The following ZNF268 variants were observed in gnomAD, a reference collection of about 807,000 sequenced individuals.
ZNF268 encodes zinc finger protein 268, also known as zinc finger protein 3.
A neutral mutation model predicts 29.3 loss-of-function variants in ZNF268; 20 were observed. That is an observed-to-expected ratio of 0.68 (90% CI 0.48 to 0.99). The LOEUF is 0.99. Ranked by LOEUF, ZNF268 falls within the 50% of genes least tolerant of loss-of-function variation. ZNF268 has a pLI of 0.00. For synonymous variants in ZNF268, 429 were observed against 376.9 expected (o/e 1.14, Z -1.60); for missense variants, 1,240 against 1,121.6 (o/e 1.11, Z -1.51).
chr12:133,196,809 G>C (rs1251935212), intron 5 of ZNF268, among the ~76,000 whole-genome samples: 1 of 152,124 alleles, frequency 6.6e-6, no homozygotes, highest in Admixed American at 6.6e-5. Flanking sequence ...GGAAGATAAT[G>C]CCCCAGTGGG....
At chr12:133,192,105 C>A in intron 5 of ZNF268, 102 bp downstream of exon 5, 8 of 808,960 alleles carry the variant, frequency 9.9e-6, no homozygotes, top group Non-Finnish European at 1.4e-5. Flanking sequence ...TATTACCATG[C>A]ACTTTTTTTT....
Position 133,203,376 on chromosome 12 carries a change from G to T in ZNF268, c.1690G>T (p.Ala564Ser). 1 of 1,548,454 alleles carries T rather than the reference G, an allele frequency of 6.5e-7. No homozygotes were observed. The highest frequency in any genetic ancestry group is 1.9e-5 in the Admixed American group (1 of 51,520). Residue 564 changes from alanine (A) to serine (S), a missense_variant, in exon 6 of 6, where the codon GCC (alanine) becomes TCC (serine). By Grantham distance (99) the Ala-to-Ser change is moderately conservative. This residue lies in a region of ZNF268 where 1,177 missense variants were observed against 1,039.6 expected (regional missense o/e 1.13). Transcript: ENST00000536435. ...CTATGAATGCCATGAATGTGGGAAA[G>T]CCTTCAGTCGGAAATACCAGCTTAT... is the stretch of plus-strand genomic sequence containing the variant. ...NPYECHECGK[A>S]FSRKYQLISH...
chr12:133,203,852 A>C lies in ZNF268; in HGVS notation c.2166A>C (p.Lys722Asn), dbSNP rs1251786365. ...ATATGAGAACTCATACAGGAGAGAA[A>C]CCACATGAGTGCAGGGAATGCGGGA... The part of the protein sequence containing the change: ...IIHMRTHTGE[K>N]PHECRECGKS... The change falls in exon 6 of 6, where the codon AAA (lysine) becomes AAC (asparagine). Residue 722 changes from lysine (K) to asparagine (N), a missense_variant. Physicochemically the swap from Lys to Asn is moderately conservative, Grantham distance 94. Coordinates refer to ENST00000536435, the MANE Select transcript of ZNF268 (RefSeq NM_003415.3). 1 of 1,566,848 alleles carries C rather than the reference A, an allele frequency of 6.4e-7. No individual in the cohort carries two copies. Among genetic ancestry groups the C allele is most frequent in the East Asian group, 2.3e-5 (1 of 42,674 alleles).
In ZNF268 at chr12:133,205,171, AAACC is replaced by A. The variant is rs1330438265; in HGVS notation, c.*646_*649del. ...AAAAAAAAAAAAAAAAAAAAAAAAA[AAACC>A]AACCTGTTATTATATCTTAATATTA... On this transcript the variant is annotated 3_prime_UTR_variant, in exon 6 of 6. Coordinates refer to ENST00000536435, the MANE Select transcript of ZNF268 (RefSeq NM_003415.3). The A allele has an allele frequency of 5.2e-5, 7 of 135,082 alleles. 1 individual carries two copies. The South Asian group carries it at 6.8e-4, about 13-fold the overall frequency. 8.4% of individuals were successfully genotyped at this position (135,082 alleles called of 1,614,324 possible).
rs1335119330 is a variant in ZNF268, at chr12:133,203,466, G to A, written c.1780G>A (p.Gly594Ser). Residue 594 changes from glycine to serine, a missense_variant, in exon 6 of 6, where the codon GGT (glycine) becomes AGT (serine). Physicochemically the swap from Gly to Ser is moderately conservative, Grantham distance 56. Transcript: ENST00000536435. ...ATGCACCGACTGTGGAAAGGCTTTT[G>A]GTTTAAAGTCACAGCTTATTATACA... ...YECTDCGKAF[G>S]LKSQLIIHQR... 1.8e-5 allele frequency: 27 copies of A among 1,541,594 alleles called. No individual in the cohort carries two copies. The highest frequency in any genetic ancestry group is 2.4e-5 in the Non-Finnish European group (27 of 1,148,320).
At chr12:133,201,800 T>G (rs1024214306) in intron 5 of ZNF268, among the ~76,000 whole-genome samples, 4 of 152,118 alleles carry the variant, frequency 2.6e-5, no homozygotes, top group African/African-American at 9.6e-5. Flanking sequence ...CCTAATGACA[T>G]GTTTATATTA....
At chr12:133,185,719 G>A (rs1315769463) in intron 2 of ZNF268, among the ~76,000 whole-genome samples, 1 of 152,106 alleles carries the variant, frequency 6.6e-6, no homozygotes, top group Non-Finnish European at 1.5e-5. Context: ...GTTGTAGGTG[G>A]GCAAGAGTAG....
chr12:133,197,402 G>A (rs1360190025), intron 5 of ZNF268, among the ~76,000 whole-genome samples: 5 of 151,270 alleles, frequency 3.3e-5, no homozygotes, highest in Non-Finnish European at 7.4e-5. Context: ...ATTCCATGGT[G>A]TATATGTGCC....
At position 133,202,413 on chromosome 12, in the gene ZNF268, G is replaced by C; in HGVS notation, c.727G>C (p.Val243Leu). Residue 243 changes from valine to leucine, a missense_variant, in exon 6 of 6, where the codon GTT (valine) becomes CTT (leucine). Coordinates refer to ENST00000536435, the MANE Select transcript of ZNF268 (RefSeq NM_003415.3). ...SFFHSKHEQT[V>L]IGIKYCESIE... is the part of the protein sequence containing the mutation. ...CTTCCATTCTAAACATGAGCAAACTGTTATTGGAATAAAATACTGTGAAAG... is the reference window on the plus strand; with the variant it reads ...CTTCCATTCTAAACATGAGCAAACTCTTATTGGAATAAAATACTGTGAAAG... 6.2e-7 allele frequency: 1 copy of C among 1,610,924 alleles called. No homozygotes were observed. The highest frequency in any genetic ancestry group is 1.1e-5 in the South Asian group (1 of 90,768).
At chr12:133,188,241 G>A (rs1956374150) in intron 3 of ZNF268, 169 bp downstream of exon 3, 1 of 625,696 alleles carries the variant, frequency 1.6e-6, no homozygotes, top group African/African-American at 1.8e-5. Context: ...CTGTTGCCCA[G>A]AGTGGAGCGC....
intron 3 of ZNF268, 170 bp from the exon 4 acceptor site, chr12:133,191,319 C>CAA (rs1222335571): frequency 1.4e-3 from 802 of 555,434 alleles, no homozygotes; most frequent in East Asian, 1.7e-3. Context: ...TCTGTCTCAA[C>CAA]AAAAAAAAAA....
At chr12:133,195,776 G>A (rs149907516) in intron 5 of ZNF268, among the ~76,000 whole-genome samples, 8,058 of 151,568 alleles carry the variant, frequency 0.053, 706 homozygotes, top group African/African-American at 0.18. Context: ...GGAGTGCAGT[G>A]GTGCGATCTC....
chr12:133,182,051 A>T, intron 2 of ZNF268, 21 bp downstream of exon 2: 1 of 1,554,968 alleles, frequency 6.4e-7, no homozygotes, highest in Non-Finnish European at 8.7e-7. Context: ...GTTTTCTTTC[A>T]TTCTTGAAAA....
rs926710790 is a variant in ZNF268, at chr12:133,211,889, C to T, written c.*7359C>T. 2 of 152,174 alleles carry T rather than the reference C, an allele frequency of 1.3e-5. No homozygotes were observed. The highest frequency in any genetic ancestry group is 2.4e-5 in the African/African-American group (1 of 41,428). 9.4% of individuals were successfully genotyped at this position (152,174 alleles called of 1,614,324 possible). On this transcript the variant is annotated 3_prime_UTR_variant, in exon 6 of 6. Coordinates refer to ENST00000536435, the MANE Select transcript of ZNF268 (RefSeq NM_003415.3). ...GGTATTTAGATAACTGCTTTGAAAACATAGGAGTTTGATCTAAACAAAACC... is the reference window on the plus strand; with the variant it reads ...GGTATTTAGATAACTGCTTTGAAAATATAGGAGTTTGATCTAAACAAAACC...
chr12:133,200,374 T>G, intron 5 of ZNF268, among the ~76,000 whole-genome samples: 1 of 152,244 alleles, frequency 6.6e-6, no homozygotes, highest in Non-Finnish European at 1.5e-5. Context: ...CTAGTTTGAT[T>G]GCACTGTCGT....
chr12:133,181,988 G>T lies in ZNF268; in HGVS notation c.-10G>T, dbSNP rs750247719. On this transcript the variant is annotated 5_prime_UTR_variant, in exon 2 of 6. Transcript: ENST00000536435. ...CACTTCCAGCGAGGCACACAAAACT[G>T]ACCGTAGGGATGGCCACCAGGGTCC... 6.4e-7 allele frequency: 1 copy of T among 1,564,222 alleles called. No individual in the cohort carries two copies.
At chr12:133,191,321 A>C in intron 3 of ZNF268, 168 bp from the exon 4 acceptor site, 2 of 530,694 alleles carry the variant, frequency 3.8e-6, no homozygotes, top group Non-Finnish European at 5.9e-6. Flanking sequence ...TGTCTCAACA[A>C]AAAAAAAAAA....
chr12:133,205,112 G>A lies in ZNF268; in HGVS notation c.*582G>A, dbSNP rs1956867477. The A allele has an allele frequency of 7.9e-6, 1 of 127,378 alleles. No homozygotes were observed. Among genetic ancestry groups the A allele is most frequent in the East Asian group, 2.2e-4 (1 of 4,478 alleles). 7.9% of individuals were successfully genotyped at this position (127,378 alleles called of 1,614,324 possible). ...TGAATGTACCAAATAAACCACAGCT[G>A]GACTGTTAACCTCACCTTAGAAGCT... On this transcript the variant is annotated 3_prime_UTR_variant, in exon 6 of 6. Coordinates refer to ENST00000536435, the MANE Select transcript of ZNF268 (RefSeq NM_003415.3).
intron 5 of ZNF268, among the ~76,000 whole-genome samples, chr12:133,195,019 A>AT (rs1456305084): frequency 1.5e-5 from 1 of 66,356 alleles, no homozygotes; most frequent in African/African-American, 7.1e-5. Flanking sequence ...ACATCCAGCC[A>AT]TCCAAATGTA....
Sources: gnomAD v4.1 joint callset for allele counts (sites outside exome capture counted in the v4.1 genomes callset) on GRCh38, gnomAD v4.1.1 for gene constraint, gnomAD v4.1.1 regional missense constraint, MANE v1.5 for transcripts, NCBI Gene and HGNC (gene_info 2026-07-23, HGNC 2026-07-21) for gene names.